Variants in THBS1 observed in about 807,000 individuals in gnomAD.
THBS1 encodes the protein thrombospondin-1.
A neutral mutation model predicts 126.1 loss-of-function variants in THBS1; 29 were observed. The observed-to-expected ratio is 0.23, with a 90% confidence interval of 0.17 to 0.31. THBS1 has a LOEUF of 0.31. THBS1 is among the 10% of genes least tolerant of loss of function. The pLI, the probability that THBS1 is intolerant of heterozygous loss-of-function variation, is 1.00. For synonymous variants in THBS1, 496 were observed against 577.8 expected, an observed-to-expected ratio of 0.86 and a Z score of 2.03; for missense variants, 1,198 against 1,545.2, an observed-to-expected ratio of 0.78 and a Z score of 3.77.
At chr15:39,585,676 T>C (rs1890196693) in intron 7 of THBS1, 113 bp downstream of exon 7, 6 of 1,007,782 alleles carry the variant, frequency 6.0e-6, no homozygotes, top group South Asian at 4.4e-5. Context: ...CATGCTTCCA[T>C]TCAGTTTCTT....
chr15:39,590,610 T>A lies in THBS1; in HGVS notation c.2240T>A (p.Ile747Asn). The A allele has an allele frequency of 6.2e-7, 1 of 1,613,718 alleles. No individual in the cohort carries two copies. The highest frequency in any genetic ancestry group is 8.5e-7 in the Non-Finnish European group (1 of 1,179,828). ...ACDDDDDNDK[I>N]PDDRDNCPFH... ...GATGATGACGATGACAATGATAAAA[T>A]TCCAGATGACAGGGTAAAAACAGTT... is the stretch of plus-strand genomic sequence containing the variant. The change falls in exon 14 of 22, where the codon ATT (isoleucine) becomes AAT (asparagine). Residue 747 changes from isoleucine to asparagine, a missense_variant. By Grantham distance (149) the Ile-to-Asn change is moderately radical. Around this residue, in one of 4 missense-constraint regions of THBS1, gnomAD observed 663 missense variants for 860.1 expected, o/e 0.77. Transcript: ENST00000260356.
intron 6 of THBS1, among the ~76,000 whole-genome samples, chr15:39,585,252 C>T (rs1020839446): frequency 6.6e-6 from 1 of 152,188 alleles, no homozygotes; most frequent in African/African-American, 2.4e-5. Flanking sequence ...TTAAAAAGAA[C>T]TTTCCAAGGA....
rs1890475502 is a variant in THBS1, at chr15:39,597,275, G to GTTTTGTTTTTTTTTTTTTTTT, written c.*1911_*1931dup. The stretch of plus-strand genomic sequence containing the variant: ...GAATTGTTGGTTTTTTCTTTTTTTT[G>GTTTTGTTTTTTTTTTTTTTTT]TTTTGTTTTTTTTTTTTTTTTTTTT... On this transcript the variant is annotated 3_prime_UTR_variant, in exon 22 of 22. Coordinates refer to ENST00000260356, the MANE Select transcript of THBS1 (RefSeq NM_003246.4). 2 of 52,590 alleles carry GTTTTGTTTTTTTTTTTTTTTT rather than the reference G, an allele frequency of 3.8e-5. No individual in the cohort carries two copies. The highest frequency in any genetic ancestry group is 7.8e-5 in the African/African-American group (1 of 12,742). The allele number at this position is 52,590 out of a possible 1,614,324, so 3.3% of individuals were successfully genotyped here.
At position 39,588,523 on chromosome 15, in the gene THBS1, C is replaced by T. The variant is rs1284183424; in HGVS notation, c.1472-3C>T. 4 of 1,542,560 alleles carry T rather than the reference C, an allele frequency of 2.6e-6. No homozygotes were observed. Among genetic ancestry groups the T allele is most frequent in the Non-Finnish European group, 2.6e-6 (3 of 1,148,270 alleles). ...TTGTTGCCTGTGGTTCATCTTCTTA[C>T]AGTCAATGGAGGCTGGGGTCCTTGG... On this transcript the variant is annotated splice_region_variant and splice_polypyrimidine_tract_variant and intron_variant, in intron 9 of 21. Transcript: ENST00000260356.
chr15:39,585,030 T>G (rs1354315247), intron 6 of THBS1, among the ~76,000 whole-genome samples: 7 of 152,218 alleles, frequency 4.6e-5, no homozygotes, highest in Admixed American at 4.6e-4. Flanking sequence ...TTCCCTTTCT[T>G]TTCCAATATA....
intron 2 of THBS1, 87 bp from the exon 3 acceptor site, chr15:39,582,106 A>C: frequency 6.9e-7 from 1 of 1,454,050 alleles, no homozygotes; most frequent in Admixed American, 2.1e-5. Context: ...TTTCACCCCA[A>C]CCCTTTGTCT....
rs147373493 is a variant in THBS1, at chr15:39,584,359, C to T, written c.963C>T (p.Asn321=). 229 of 1,614,186 alleles carry T rather than the reference C, an allele frequency of 1.4e-4. No homozygotes were observed. In the African/African-American group the frequency reaches 2.0e-3, roughly 14 times the overall value. The change falls in exon 6 of 22, where the codon AAC becomes AAT. Residue 321 remains asparagine (N), a synonymous_variant. Transcript: ENST00000260356. ...ELRRPPLCYH[N]GVQYRNNEEW... ...GGCGGCCTCCCCTATGCTATCACAACGGAGTTCAGTACAGAAATAACGAGG... is the reference window on the plus strand; with the variant it reads ...GGCGGCCTCCCCTATGCTATCACAATGGAGTTCAGTACAGAAATAACGAGG...
intron 7 of THBS1, among the ~76,000 whole-genome samples, chr15:39,585,969 C>G (rs1890201412): frequency 6.6e-6 from 1 of 152,138 alleles, no homozygotes; most frequent in South Asian, 2.1e-4. Context: ...CTGATCGGGC[C>G]TGGAAGTTTT....
At position 39,592,926 on chromosome 15, in the gene THBS1, T is replaced by G; in HGVS notation, c.2768-74T>G. On this transcript the variant is annotated intron_variant, in intron 17 of 21. Coordinates refer to ENST00000260356, the MANE Select transcript of THBS1 (RefSeq NM_003246.4). The surrounding 1 kb of genome is among the most constrained non-coding windows in gnomAD (Gnocchi z 4.3). ...GGACCAAATGCCAACTTAGACAAGA[T>G]AGTGACATTTCTGACACCAGTAATA... The G allele has an allele frequency of 6.4e-7, 1 of 1,558,218 alleles. No homozygotes were observed. Among genetic ancestry groups the G allele is most frequent in the African/African-American group, 1.4e-5 (1 of 73,988 alleles).
chr15:39,588,420 T>C (rs1380690079), intron 9 of THBS1, 106 bp from the exon 10 acceptor site: 1 of 1,384,478 alleles, frequency 7.2e-7, no homozygotes, highest in African/African-American at 1.5e-5. Context: ...ATTCTTTCCA[T>C]GTGTCAGAGA....
chr15:39,593,115 G>A lies in THBS1; in HGVS notation c.2883G>A (p.Gln961=). The part of the protein sequence containing the change: ...DISETDFRRF[Q]MIPLDPKGTS... ...GTGAGACCGATTTCCGCCGATTCCA[G>A]ATGATTCCTCTGGACCCCAAAGGGA... The change falls in exon 18 of 22, where the codon CAG becomes CAA. Residue 961 remains glutamine, a synonymous_variant. Coordinates refer to ENST00000260356, the MANE Select transcript of THBS1 (RefSeq NM_003246.4). The surrounding 1 kb of genome is among the most constrained non-coding windows in gnomAD (Gnocchi z 5.9). 1 of 1,599,514 alleles carries A rather than the reference G, an allele frequency of 6.3e-7. No individual in the cohort carries two copies. The highest frequency in any genetic ancestry group is 8.5e-7 in the Non-Finnish European group (1 of 1,173,566).
At chr15:39,585,725 C>G (rs140131656) in intron 7 of THBS1, among the ~76,000 whole-genome samples, 162 bp downstream of exon 7, 1 of 152,332 alleles carries the variant, frequency 6.6e-6, no homozygotes, top group African/African-American at 2.4e-5. Context: ...ATCTGCTGTA[C>G]AGAGCCAAAA....
At chr15:39,584,543 GTTTT>G in intron 6 of THBS1, 121 bp downstream of exon 6, 2 of 1,196,470 alleles carry the variant, frequency 1.7e-6, no homozygotes, top group Non-Finnish European at 2.3e-6. Flanking sequence ...ATAACAAAGT[GTTTT>G]TTTTTTCTTT....
In THBS1 at chr15:39,592,401, A is replaced by T. The variant is rs1357784495; in HGVS notation, c.2533-167A>T. Among the ~76,000 whole-genome samples the T allele has an allele frequency of 6.6e-6, 1 of 152,236 alleles. No individual in the cohort carries two copies. Among genetic ancestry groups the T allele is most frequent in the Non-Finnish European group, 1.5e-5 (1 of 68,042 alleles). On this transcript the variant is annotated intron_variant, in intron 16 of 21. Transcript: ENST00000260356. The surrounding 1 kb of genome is among the most constrained non-coding windows in gnomAD (Gnocchi z 4.3). The stretch of plus-strand genomic sequence containing the variant: ...AAGATAAAGGAAAAAAACTTTTAAA[A>T]TGTAATTGCTACTATTGCTATCTTT...
chr15:39,593,779 C>A lies in THBS1; in HGVS notation c.3267+111C>A. On this transcript the variant is annotated intron_variant, in intron 19 of 21. Transcript: ENST00000260356. This position sits in a 1 kb window ranked among gnomAD's most constrained non-coding sequence, Gnocchi z 5.9. ...CCAGGGAGTCTTAGAAAGTTCCCAGCATCACCAGCTGCAGCATTGAACTCT... is the reference window on the plus strand; with the variant it reads ...CCAGGGAGTCTTAGAAAGTTCCCAGAATCACCAGCTGCAGCATTGAACTCT... 1.4e-6 allele frequency: 2 copies of A among 1,433,772 alleles called. No homozygotes were observed. Among genetic ancestry groups the A allele is most frequent in the Non-Finnish European group, 1.9e-6 (2 of 1,059,848 alleles). 88.8% of individuals were successfully genotyped at this position (1,433,772 alleles called of 1,614,324 possible).
intron 2 of THBS1, 44 bp downstream of exon 2, chr15:39,581,968 A>T (rs1234003996): frequency 1.2e-6 from 2 of 1,603,920 alleles, no homozygotes; most frequent in African/African-American, 2.7e-5. Flanking sequence ...GACAAGGAAG[A>T]GGTGCTGGCT....
intron 7 of THBS1, 130 bp downstream of exon 7, chr15:39,585,693 G>C (rs928944094): frequency 1.1e-5 from 10 of 874,086 alleles, no homozygotes; most frequent in African/African-American, 1.7e-5. Context: ...TCTTGCTGCA[G>C]CAGCTGGTTA....
In THBS1 at chr15:39,598,318, T is replaced by C. The variant is rs1156626720; in HGVS notation, c.*2949T>C. 1 of 152,232 alleles carries C rather than the reference T, an allele frequency of 6.6e-6. No homozygotes were observed. 9.4% of individuals were successfully genotyped at this position (152,232 alleles called of 1,614,324 possible). A position where few individuals can be genotyped will look rare whatever the true frequency, so the allele number is the denominator to read the frequency against. On this transcript the variant is annotated 3_prime_UTR_variant, in exon 22 of 22. Coordinates refer to ENST00000260356, the MANE Select transcript of THBS1 (RefSeq NM_003246.4). ...CTCATTCTATAAATACTCATCTTTCTGAGTAGCCATGATCACATACAAATG... is the reference window on the plus strand; with the variant it reads ...CTCATTCTATAAATACTCATCTTTCCGAGTAGCCATGATCACATACAAATG...
chr15:39,581,639 C>G, intron 1 of THBS1, 190 bp from the exon 2 acceptor site: 1 of 363,912 alleles, frequency 2.7e-6, no homozygotes. Flanking sequence ...CTTTCCTCCA[C>G]CTCTCTCTCT....
Sources: gnomAD v4.1 joint callset for allele counts (sites outside exome capture counted in the v4.1 genomes callset) on GRCh38, gnomAD v4.1.1 for gene constraint, gnomAD v4.1.1 regional missense constraint, Gnocchi (gnomAD v3.1) non-coding constraint, MANE v1.5 for transcripts, NCBI Gene and HGNC (gene_info 2026-07-23, HGNC 2026-07-21) for gene names.